The following JAM3 variants were observed in gnomAD, a reference collection of about 807,000 sequenced individuals.
The protein encoded by JAM3 is junctional adhesion molecule C.
A neutral mutation model predicts 39.4 loss-of-function variants in JAM3; 31 were observed. The ratio of observed to expected loss-of-function variants is 0.79; its 90% CI spans 0.59 to 1.06. JAM3 has a LOEUF of 1.06. JAM3 is among the 50% of genes least tolerant of loss of function. The pLI is 0.00. For missense variants in JAM3, 455 were observed against 391.4 expected (o/e 1.16, Z -1.37); for synonymous variants, 182 against 148.7 (o/e 1.22, Z -1.63).
chr11:134,133,615 G>A (rs971976717), intron 1 of JAM3, among the ~76,000 whole-genome samples: 3 of 152,098 alleles, frequency 2.0e-5, no homozygotes, highest in East Asian at 3.9e-4. Context: ...GTTTCAGGAA[G>A]AAATCCCACT....
rs610382 is a variant in JAM3 at position 134,148,761 on chromosome 11, T to C, written c.843-3T>C. 0.36 allele frequency: 581,206 copies of C among 1,613,444 alleles called. 114,503 individuals are homozygous for C. The highest frequency in any genetic ancestry group is 0.76 in the African/African-American group (57,059 of 74,960). On this transcript the variant is annotated splice_region_variant and splice_polypyrimidine_tract_variant and intron_variant, in intron 7 of 8. Coordinates refer to ENST00000299106, the MANE Select transcript of JAM3 (RefSeq NM_032801.5). ...TTGCTAAACTGCTCTCTTCTCCTCA[T>C]AGTTACAAGAACCCAGGGAAACCAG...
rs545455014 is a variant in JAM3 at position 134,142,646 on chromosome 11, C to T, written c.257-1595C>T. ...TTTTTTATGGAGCTGTAATTCGTACCGCATCCTTTTAAAGTGTGCAGTTCA... is the reference window on the plus strand; with the variant it reads ...TTTTTTATGGAGCTGTAATTCGTACTGCATCCTTTTAAAGTGTGCAGTTCA... On this transcript the variant is annotated intron_variant, in intron 3 of 8. Coordinates refer to ENST00000299106, the MANE Select transcript of JAM3 (RefSeq NM_032801.5). Among the ~76,000 whole-genome samples, 9 of 152,160 alleles carry T rather than the reference C, an allele frequency of 5.9e-5. No individual in the cohort carries two copies. In the South Asian group the frequency reaches 6.2e-4, roughly 11 times the overall value.
At chr11:134,121,974 T>G (rs908702369) in intron 1 of JAM3, among the ~76,000 whole-genome samples, 24 of 152,342 alleles carry the variant, frequency 1.6e-4, no homozygotes, top group African/African-American at 5.8e-4. Flanking sequence ...TGATCTTGAG[T>G]CTATATTAAT....
At chr11:134,083,159 A>G (rs1476596558) in intron 1 of JAM3, among the ~76,000 whole-genome samples, 1 of 152,210 alleles carries the variant, frequency 6.6e-6, no homozygotes, top group South Asian at 2.1e-4. Flanking sequence ...TGTGATTTTC[A>G]CAGTGTTTCA....
At chr11:134,071,596 G>T (rs1260380339) in intron 1 of JAM3, among the ~76,000 whole-genome samples, 1 of 152,098 alleles carries the variant, frequency 6.6e-6, no homozygotes, top group Non-Finnish European at 1.5e-5. Context: ...AGAGAGAAGT[G>T]CCTTATTTAG....
At chr11:134,145,325 C>T in intron 5 of JAM3, 1 of 435,010 alleles carries the variant, frequency 2.3e-6, no homozygotes, top group Non-Finnish European at 4.2e-6. Context: ...ATTTGATGAT[C>T]TATTAAGCAA....
intron 1 of JAM3, among the ~76,000 whole-genome samples, chr11:134,084,425 T>G (rs1302470099): frequency 6.6e-6 from 1 of 152,242 alleles, no homozygotes; most frequent in Non-Finnish European, 1.5e-5. Context: ...TTTGTGGGGT[T>G]GTTTTACAAA....
chr11:134,129,151 G>A (rs982249933), intron 1 of JAM3, among the ~76,000 whole-genome samples: 11 of 144,390 alleles, frequency 7.6e-5, no homozygotes, highest in African/African-American at 1.6e-4. Context: ...ACAGAGTCTC[G>A]CTCTGTTGCC....
intron 1 of JAM3, among the ~76,000 whole-genome samples, chr11:134,116,821 C>T (rs1175723754): frequency 6.6e-6 from 1 of 152,000 alleles, no homozygotes; most frequent in Admixed American, 6.6e-5. Flanking sequence ...CTATTTGTAT[C>T]TATGTTAAAA....
chr11:134,112,120 T>A (rs1387894373), intron 1 of JAM3, among the ~76,000 whole-genome samples: 1 of 152,216 alleles, frequency 6.6e-6, no homozygotes, highest in Non-Finnish European at 1.5e-5. Flanking sequence ...AGAGCCTCGC[T>A]CTGTTGCCCA....
At chr11:134,114,696 T>C (rs1390850551) in intron 1 of JAM3, among the ~76,000 whole-genome samples, 1 of 152,254 alleles carries the variant, frequency 6.6e-6, no homozygotes, top group Non-Finnish European at 1.5e-5. Flanking sequence ...AATTTCACTG[T>C]GGTCAGAAAA....
chr11:134,120,703 C>G (rs994972185), intron 1 of JAM3, among the ~76,000 whole-genome samples: 1 of 152,116 alleles, frequency 6.6e-6, no homozygotes, highest in Non-Finnish European at 1.5e-5. Context: ...CAAACCTTGA[C>G]GAATCTGGGA....
chr11:134,091,847 T>C (rs2120640507), intron 1 of JAM3, among the ~76,000 whole-genome samples: 1 of 151,072 alleles, frequency 6.6e-6, no homozygotes, highest in South Asian at 2.1e-4. Context: ...TTTTTTTTTT[T>C]TTTTCTTTAA....
At position 134,100,691 on chromosome 11, in the gene JAM3, C is replaced by T. The variant is rs143936545; in HGVS notation, c.76+31532C>T. Among the ~76,000 whole-genome samples, 617 of 152,244 alleles carry T rather than the reference C, an allele frequency of 4.1e-3. 9 individuals carry two copies. The highest frequency in any genetic ancestry group is 0.014 in the African/African-American group (584 of 41,536). Reference sequence around the variant, plus strand: ...GTCAGGTCCTGTACTCAGCACTTTACGTATGCTCTCTTACTCTTACAACTG... The same window carrying T: ...GTCAGGTCCTGTACTCAGCACTTTATGTATGCTCTCTTACTCTTACAACTG... On this transcript the variant is annotated intron_variant, in intron 1 of 8. Transcript: ENST00000299106.
intron 1 of JAM3, among the ~76,000 whole-genome samples, chr11:134,134,313 T>C (rs1942820900): frequency 6.9e-6 from 1 of 144,526 alleles, no homozygotes; most frequent in African/African-American, 2.6e-5. Context: ...TTTGAAGCAA[T>C]TATGACTGAG....
At chr11:134,071,827 A>G (rs1220285241) in intron 1 of JAM3, among the ~76,000 whole-genome samples, 2 of 145,024 alleles carry the variant, frequency 1.4e-5, no homozygotes, top group East Asian at 2.2e-4. Context: ...ACTTGTGTGT[A>G]TGTTTTAAAA....
intron 1 of JAM3, among the ~76,000 whole-genome samples, chr11:134,093,264 C>G: frequency 7.4e-6 from 1 of 135,858 alleles, no homozygotes; most frequent in Non-Finnish European, 1.6e-5. Context: ...AGGGAAGCTT[C>G]TCCTGAAACC....
intron 1 of JAM3, among the ~76,000 whole-genome samples, chr11:134,134,584 G>A (rs192182865): frequency 6.6e-6 from 1 of 152,114 alleles, no homozygotes; most frequent in African/African-American, 2.4e-5. Flanking sequence ...TCAAGGAACT[G>A]CCAAGCTTTT....
intron 1 of JAM3, among the ~76,000 whole-genome samples, chr11:134,078,699 A>C: frequency 6.6e-6 from 1 of 152,110 alleles, no homozygotes; most frequent in East Asian, 1.9e-4. Context: ...ACCCTTCTTT[A>C]AGTGTTCTTG....
Sources: gnomAD v4.1 joint callset for allele counts (sites outside exome capture counted in the v4.1 genomes callset) on GRCh38, gnomAD v4.1.1 for gene constraint, MANE v1.5 for transcripts, NCBI Gene and HGNC (gene_info 2026-07-23, HGNC 2026-07-21) for gene names.